The following POC1A variants were observed in gnomAD, a reference collection of about 807,000 sequenced individuals.
The protein encoded by POC1A is POC1 centriolar protein homolog A.
A neutral mutation model predicts 47.8 loss-of-function variants in POC1A; 34 were observed. The ratio of observed to expected loss-of-function variants is 0.71; its 90% CI spans 0.54 to 0.95. POC1A has a LOEUF of 0.95. Ranked by LOEUF, POC1A falls within the 40% of genes least tolerant of loss-of-function variation. The pLI is 0.00. For missense variants in POC1A, 466 were observed against 528.3 expected (o/e 0.88, Z 1.16); for synonymous variants, 177 against 207.6 (o/e 0.85, Z 1.27).
chr3:52,091,259 C>CGCAGCATGTGACGCCCA (rs1702636271), intron 10 of POC1A, among the ~76,000 whole-genome samples: 1 of 152,054 alleles, frequency 6.6e-6, no homozygotes, highest in Admixed American at 6.5e-5. Flanking sequence ...GCGGGGAGCT[C>CGCAGCATGTGACGCCCA]GCAGCATGTG....
chr3:52,085,989 AG>A (rs924365927), intron 10 of POC1A, among the ~76,000 whole-genome samples: 18 of 152,268 alleles, frequency 1.2e-4, no homozygotes, highest in African/African-American at 4.3e-4. Context: ...GCCTGTGGTC[AG>A]GTTTGGGAGG....
intron 1 of POC1A, among the ~76,000 whole-genome samples, chr3:52,153,401 G>A (rs1217503533): frequency 6.6e-6 from 1 of 152,224 alleles, no homozygotes; most frequent in Non-Finnish European, 1.5e-5. Flanking sequence ...CCACCCTACA[G>A]AGCAGTAACC....
At chr3:52,081,709 G>A (rs1702300656) in intron 10 of POC1A, among the ~76,000 whole-genome samples, 1 of 152,196 alleles carries the variant, frequency 6.6e-6, no homozygotes, top group South Asian at 2.1e-4. Flanking sequence ...CCTCAGAGCA[G>A]GAGGGTGCTG....
chr3:52,150,047 G>A, intron 2 of POC1A, 60 bp from the exon 3 acceptor site: 1 of 1,460,286 alleles, frequency 6.8e-7, no homozygotes, highest in East Asian at 2.3e-5. Context: ...CCTCCACCAA[G>A]ACATTGGAGA....
chr3:52,147,037 A>G lies in POC1A; in HGVS notation c.514T>C (p.Trp172Arg), dbSNP rs200195022. ...SASDDKTVKL[W>R]DKSSRECVHS... ...ACACATTCCCGGCTGCTCTTGTCCC[A>G]CAGCTTAACAGTCTTGTCATCACTG... is the stretch of plus-strand genomic sequence containing the variant. Residue 172 changes from tryptophan to arginine, a missense_variant, in exon 5 of 11, where the codon TGG becomes CGG. Trp to Arg is a moderately radical substitution (Grantham distance 101, BLOSUM62 -3). Coordinates refer to ENST00000296484, the MANE Select transcript of POC1A (RefSeq NM_015426.5). The G allele has an allele frequency of 1.9e-6, 3 of 1,614,126 alleles. No individual in the cohort carries two copies. The highest frequency in any genetic ancestry group is 2.2e-5 in the East Asian group (1 of 44,878).
In POC1A at chr3:52,151,013, T is replaced by C; in HGVS notation, c.103+3A>G. 2 of 1,613,546 alleles carry C rather than the reference T, an allele frequency of 1.2e-6. No homozygotes were observed. Among genetic ancestry groups the C allele is most frequent in the Non-Finnish European group, 1.7e-6 (2 of 1,179,758 alleles). On this transcript the variant is annotated splice_donor_region_variant and intron_variant, in intron 2 of 10. Coordinates refer to ENST00000296484, the MANE Select transcript of POC1A (RefSeq NM_015426.5). ...AGCACCTAGACAGGGTGCCTCTTCTTACCCAGCTGCTTTGTGTTGATACTG... is the reference window on the plus strand; with the variant it reads ...AGCACCTAGACAGGGTGCCTCTTCTCACCCAGCTGCTTTGTGTTGATACTG...
chr3:52,150,917 C>A (rs1698534055), intron 2 of POC1A, 99 bp downstream of exon 2: 9 of 1,029,724 alleles, frequency 8.7e-6, no homozygotes, highest in Non-Finnish European at 1.4e-5. Context: ...CAAAGCTGTG[C>A]AGTCCTTGTG....
At position 52,084,069 on chromosome 3, in the gene POC1A, T is replaced by C. The variant is rs1702383709; in HGVS notation, c.1126-8084A>G. ...TCTGAGTAGGCACAGCCAGGGAGGA[T>C]GCTGCTCCCACGTGCCTGTGGCCAG... On this transcript the variant is annotated intron_variant, in intron 10 of 10. Coordinates refer to ENST00000296484, the MANE Select transcript of POC1A (RefSeq NM_015426.5). The surrounding 1 kb of genome is among the most constrained non-coding windows in gnomAD (Gnocchi z 4.3). 6.6e-6 allele frequency among the ~76,000 whole-genome samples: 1 copy of C among 152,182 alleles called. No homozygotes were observed. Among genetic ancestry groups the C allele is most frequent in the Non-Finnish European group, 1.5e-5 (1 of 68,026 alleles).
At chr3:52,098,810 T>C (rs999612557) in intron 9 of POC1A, among the ~76,000 whole-genome samples, 3 of 152,230 alleles carry the variant, frequency 2.0e-5, no homozygotes, top group Non-Finnish European at 2.9e-5. Flanking sequence ...CTGTGTGCCC[T>C]CATTTAATGT....
At chr3:52,147,476 C>G (rs896119332) in intron 4 of POC1A, among the ~76,000 whole-genome samples, 32 of 152,148 alleles carry the variant, frequency 2.1e-4, no homozygotes, top group Admixed American at 2.1e-3. Flanking sequence ...CTCTGTCACC[C>G]AGGCTGGAGT....
intron 9 of POC1A, among the ~76,000 whole-genome samples, chr3:52,112,827 C>T (rs528578721): frequency 6.6e-6 from 1 of 152,276 alleles, no homozygotes; most frequent in South Asian, 2.1e-4. Flanking sequence ...TTTCTTCTTC[C>T]CTTAATTCCC....
intron 10 of POC1A, among the ~76,000 whole-genome samples, chr3:52,089,488 G>A (rs1702572793): frequency 6.6e-6 from 1 of 152,092 alleles, no homozygotes; most frequent in Non-Finnish European, 1.5e-5. Flanking sequence ...TGGCCAAAAG[G>A]GCAATCCATG....
chr3:52,089,959 A>G (rs1364355143), intron 10 of POC1A, among the ~76,000 whole-genome samples: 2 of 95,040 alleles, frequency 2.1e-5, no homozygotes, highest in Non-Finnish European at 3.7e-5. Flanking sequence ...CAGGACTACC[A>G]TGGGGGTGGG....
intron 10 of POC1A, among the ~76,000 whole-genome samples, chr3:52,078,503 CTTTTTTTTTT>C (rs531817608): frequency 8.8e-6 from 1 of 113,528 alleles, no homozygotes. Flanking sequence ...ATGGAAATCT[CTTTTTTTTTT>C]TTTTTTTTTT....
intron 4 of POC1A, among the ~76,000 whole-genome samples, chr3:52,148,727 CAG>C (rs1216184753): frequency 2.0e-5 from 3 of 152,234 alleles, no homozygotes; most frequent in Non-Finnish European, 4.4e-5. Context: ...GCCTTACTGT[CAG>C]AGAGAGTTGG....
intron 10 of POC1A, among the ~76,000 whole-genome samples, chr3:52,081,236 C>T (rs1288664766): frequency 4.6e-5 from 7 of 152,206 alleles, no homozygotes; most frequent in Non-Finnish European, 1.0e-4. Context: ...TGCTGGCTTC[C>T]GTATGGTCTC....
intron 9 of POC1A, among the ~76,000 whole-genome samples, chr3:52,100,896 G>T (rs1702978594): frequency 6.6e-6 from 1 of 152,016 alleles, no homozygotes; most frequent in South Asian, 2.1e-4. Flanking sequence ...AACTACTAGG[G>T]AAAAGCAAAT....
intron 6 of POC1A, among the ~76,000 whole-genome samples, chr3:52,140,894 G>T (rs545416403): frequency 1.7e-3 from 254 of 152,340 alleles, no homozygotes; most frequent in African/African-American, 5.8e-3. Context: ...GTCCCATGAG[G>T]GCATGAGCCT....
chr3:52,144,327 G>C (rs527655663), intron 6 of POC1A, among the ~76,000 whole-genome samples: 8 of 152,190 alleles, frequency 5.3e-5, no homozygotes, highest in Non-Finnish European at 1.0e-4. Flanking sequence ...GAAAGATATG[G>C]GCTCCAAGTG....
Sources: allele counts gnomAD v4.1 joint callset (sites outside exome capture counted in the v4.1 genomes callset), GRCh38; gene constraint gnomAD v4.1.1; non-coding constraint Gnocchi (gnomAD v3.1); transcripts MANE v1.5; gene names NCBI Gene and HGNC (gene_info 2026-07-23, HGNC 2026-07-21).